DAPP1: variants seen among roughly 807,000 people sequenced by gnomAD.
DAPP1 encodes the protein dual adapter for phosphotyrosine and 3-phosphotyrosine and 3-phosphoinositide.
Under a neutral mutation model 41.5 loss-of-function variants are expected in DAPP1, and 20 were observed. The observed-to-expected ratio is 0.48, with a 90% CI of 0.34 to 0.70. The LOEUF (loss-of-function observed/expected upper bound fraction) is 0.70. Ranked by LOEUF, DAPP1 falls within the 30% of genes least tolerant of loss-of-function variation. The pLI, the probability that DAPP1 is intolerant of heterozygous loss-of-function variation, is 0.01. For missense variants in DAPP1, 233 were observed against 333.4 expected (o/e 0.70, Z 2.35); for synonymous variants, 113 against 116.2 (o/e 0.97, Z 0.18).
intron 4 of DAPP1, 114 bp from the exon 5 acceptor site, chr4:99,861,460 TAGAC>T (rs754854664): frequency 4.7e-5 from 51 of 1,094,562 alleles, no homozygotes; most frequent in Non-Finnish European, 6.4e-5. Context: ...TGAAAAATGA[TAGAC>T]AGTAATTTAA....
chr4:99,823,200 G>A (rs1383482002), intron 1 of DAPP1, among the ~76,000 whole-genome samples: 1 of 152,036 alleles, frequency 6.6e-6, no homozygotes, highest in Non-Finnish European at 1.5e-5. Flanking sequence ...TAAAAATGTG[G>A]CAAAAGGTTA....
At chr4:99,854,800 CT>C (rs1247245177) in intron 4 of DAPP1, among the ~76,000 whole-genome samples, 3 of 152,224 alleles carry the variant, frequency 2.0e-5, no homozygotes, top group African/African-American at 7.2e-5. Context: ...TGCTCCTCTT[CT>C]GTGCTCCAGA....
intron 1 of DAPP1, among the ~76,000 whole-genome samples, chr4:99,831,556 T>G (rs912657413): frequency 6.6e-6 from 1 of 152,226 alleles, no homozygotes; most frequent in Admixed American, 6.5e-5. Context: ...GATTTCTTAC[T>G]CTTACAAACA....
chr4:99,835,857 C>A, intron 2 of DAPP1, 112 bp downstream of exon 2: 1 of 1,387,328 alleles, frequency 7.2e-7, no homozygotes, highest in Non-Finnish European at 9.8e-7. Flanking sequence ...GTTGGACCAC[C>A]AGGTTAAAGG....
intron 3 of DAPP1, among the ~76,000 whole-genome samples, chr4:99,845,410 C>A (rs530499748): frequency 1.8e-4 from 28 of 152,338 alleles, no homozygotes; most frequent in Non-Finnish European, 2.6e-4. Context: ...AGCATAGATG[C>A]TTTCCAGGCA....
chr4:99,860,204 T>C (rs1724190778), intron 4 of DAPP1, among the ~76,000 whole-genome samples: 1 of 152,246 alleles, frequency 6.6e-6, no homozygotes, highest in Admixed American at 6.5e-5. Flanking sequence ...AATAGTCTCA[T>C]TGCTTTCCCA....
At chr4:99,834,916 T>A (rs1447796334) in intron 1 of DAPP1, among the ~76,000 whole-genome samples, 1 of 152,168 alleles carries the variant, frequency 6.6e-6, no homozygotes, top group Admixed American at 6.5e-5. Context: ...GTCATGTTCA[T>A]GCGCTGTTCT....
At chr4:99,850,747 C>CT (rs951969171) in intron 3 of DAPP1, among the ~76,000 whole-genome samples, 5 of 152,090 alleles carry the variant, frequency 3.3e-5, no homozygotes, top group African/African-American at 1.2e-4. Flanking sequence ...GCGTCTAGGT[C>CT]TTTTTTAAGA....
At chr4:99,838,345 C>T (rs2110145425) in intron 2 of DAPP1, among the ~76,000 whole-genome samples, 1 of 152,216 alleles carries the variant, frequency 6.6e-6, no homozygotes, top group Non-Finnish European at 1.5e-5. Flanking sequence ...AGGAGAATGA[C>T]TATTTTTGTT....
intron 1 of DAPP1, among the ~76,000 whole-genome samples, chr4:99,831,053 A>G (rs529721105): frequency 6.6e-6 from 1 of 152,248 alleles, no homozygotes; most frequent in South Asian, 2.1e-4. Flanking sequence ...GGTTCCTTCT[A>G]CAAAGAAAAT....
At position 99,868,490 on chromosome 4, in the gene DAPP1, C is replaced by G. The variant is rs1724539684; in HGVS notation, c.*305C>G. The G allele has an allele frequency of 6.3e-6, 2 of 319,390 alleles. No individual in the cohort carries two copies. Among genetic ancestry groups the G allele is most frequent in the Non-Finnish European group, 6.0e-6 (1 of 167,684 alleles). The allele number at this position is 319,390 out of a possible 1,614,324, so 19.8% of individuals were successfully genotyped here. On this transcript the variant is annotated 3_prime_UTR_variant, in exon 9 of 9. Transcript: ENST00000512369. ...GGAAGAGGAAGGGTTTTTGTTTTCA[C>G]TCATTGTGGTCCCCAAGCCTATTGA... is the stretch of plus-strand genomic sequence containing the variant.
chr4:99,849,770 G>T (rs943215211), intron 3 of DAPP1, among the ~76,000 whole-genome samples: 4 of 152,210 alleles, frequency 2.6e-5, no homozygotes, highest in Non-Finnish European at 5.9e-5. Context: ...GGGGTGGGGA[G>T]ATTATCCTAG....
At chr4:99,864,385 A>G (rs1206423050) in intron 7 of DAPP1, 1 of 152,132 alleles carries the variant, frequency 6.6e-6, no homozygotes, top group Admixed American at 6.6e-5. Flanking sequence ...AGTTATTAAT[A>G]TATCTTACCA....
intron 3 of DAPP1, among the ~76,000 whole-genome samples, chr4:99,842,671 C>G (rs1249453374): frequency 6.6e-6 from 1 of 152,184 alleles, no homozygotes; most frequent in Non-Finnish European, 1.5e-5. Flanking sequence ...CTCAAGGTTA[C>G]GGAGTCAGCA....
At chr4:99,840,014 A>T (rs939319746) in intron 2 of DAPP1, among the ~76,000 whole-genome samples, 2 of 152,214 alleles carry the variant, frequency 1.3e-5, no homozygotes, top group African/African-American at 2.4e-5. Context: ...GTGAGCCTAG[A>T]TCATGCCACT....
Position 99,862,990 on chromosome 4 carries a change from T to A in DAPP1, c.538-20T>A. 1.3e-6 allele frequency: 2 copies of A among 1,572,230 alleles called. No homozygotes were observed. The highest frequency in any genetic ancestry group is 1.7e-6 in the Non-Finnish European group (2 of 1,160,968). On this transcript the variant is annotated intron_variant, in intron 5 of 8. Transcript: ENST00000512369. ...AACTTTGTGTGTCTGTGTGTTTGTG[T>A]GTGTGTGTGTTTTTCTCAGACCTGG...
At position 99,835,631 on chromosome 4, in the gene DAPP1, A is replaced by G; in HGVS notation, c.110A>G (p.His37Arg). ...AELLQDLGWYHGNLTRHAAEA... is the reference protein window; with the variant it reads ...AELLQDLGWYRGNLTRHAAEA... The stretch of plus-strand genomic sequence containing the variant: ...TGTTCCCTCCTTTCTAGGTGGTATC[A>G]CGGCAACCTCACACGCCATGCTGCT... The change falls in exon 2 of 9, where the codon CAC (histidine) becomes CGC (arginine). Residue 37 changes from histidine to arginine, a missense_variant. His to Arg is a conservative substitution (Grantham distance 29, BLOSUM62 0). Coordinates refer to ENST00000512369, the MANE Select transcript of DAPP1 (RefSeq NM_014395.3). The G allele has an allele frequency of 6.2e-7, 1 of 1,613,016 alleles. No homozygotes were observed. Among genetic ancestry groups the G allele is most frequent in the South Asian group, 1.1e-5 (1 of 91,040 alleles).
At chr4:99,851,090 T>C (rs1035654387) in intron 3 of DAPP1, among the ~76,000 whole-genome samples, 5 of 152,174 alleles carry the variant, frequency 3.3e-5, no homozygotes, top group East Asian at 1.9e-4. Context: ...GAATTTACCA[T>C]GCATCTACAA....
rs138500635 is a variant in DAPP1, at chr4:99,856,301, G to A, written c.489+2953G>A. Among the ~76,000 whole-genome samples the A allele has an allele frequency of 2.0e-3, 297 of 152,282 alleles. 1 individual carries two copies. The highest frequency in any genetic ancestry group is 6.8e-3 in the African/African-American group (281 of 41,552). On this transcript the variant is annotated intron_variant, in intron 4 of 8. Transcript: ENST00000512369. ...GGATAAGGGGAGAAGAGGGAAGCAA[G>A]GGAGGCCTCTGTGAGGAGGAACCAT...
Sources: gnomAD v4.1 joint callset for allele counts (sites outside exome capture counted in the v4.1 genomes callset) on GRCh38, gnomAD v4.1.1 for gene constraint, MANE v1.5 for transcripts, NCBI Gene and HGNC (gene_info 2026-07-23, HGNC 2026-07-21) for gene names.